The following CACNA2D1 variants were observed in gnomAD, a reference collection of about 807,000 sequenced individuals.
CACNA2D1 encodes the protein voltage-dependent calcium channel subunit alpha-2/delta-1.
A neutral mutation model predicts 171.5 loss-of-function variants in CACNA2D1; 53 were observed. The ratio of observed to expected loss-of-function variants is 0.31; its 90% CI spans 0.25 to 0.39. The LOEUF (loss-of-function observed/expected upper bound fraction) is 0.39. Among genes scored for constraint, CACNA2D1 ranks in the 10% least tolerant of loss-of-function variants. CACNA2D1 has a pLI of 1.00. For missense variants in CACNA2D1, 903 were observed against 1,299.8 expected (o/e 0.69, Z 4.69); for synonymous variants, 442 against 443.1 (o/e 1.00, Z 0.03).
At chr7:82,160,863 T>C (rs1794879303) in intron 4 of CACNA2D1, among the ~76,000 whole-genome samples, 1 of 152,126 alleles carries the variant, frequency 6.6e-6, no homozygotes, top group South Asian at 2.1e-4. Context: ...CTTATTTGCC[T>C]ATGTGTATGC....
At chr7:82,024,499 G>A (rs539934783) in intron 12 of CACNA2D1, among the ~76,000 whole-genome samples, 1 of 151,768 alleles carries the variant, frequency 6.6e-6, no homozygotes, top group Non-Finnish European at 1.5e-5. Flanking sequence ...TATTAGAGAT[G>A]TTTTGCTCTT....
At chr7:82,426,433 T>C (rs1289717475) in intron 1 of CACNA2D1, among the ~76,000 whole-genome samples, 1 of 152,148 alleles carries the variant, frequency 6.6e-6, no homozygotes, top group Non-Finnish European at 1.5e-5. Flanking sequence ...TGAGCTCAGA[T>C]ACAAATTCTT....
intron 16 of CACNA2D1, among the ~76,000 whole-genome samples, chr7:82,007,133 A>T (rs543922856): frequency 6.6e-6 from 1 of 152,272 alleles, no homozygotes. Flanking sequence ...ACAAAAAACC[A>T]GTGCTATAAA....
chr7:82,144,745 G>C lies in CACNA2D1; in HGVS notation c.355-8069C>G, dbSNP rs182844862. On this transcript the variant is annotated intron_variant, in intron 4 of 38. Coordinates refer to ENST00000356860, the MANE Select transcript of CACNA2D1 (RefSeq NM_000722.4). ...CAGTAATCATTACCATTTTTAAAAT[G>C]ATGGATCAATTTTTTTACATCAACT... 1.5e-3 allele frequency among the ~76,000 whole-genome samples: 233 copies of C among 152,074 alleles called. 1 individual carries two copies. Among genetic ancestry groups the C allele is most frequent in the African/African-American group, 5.3e-3 (221 of 41,536 alleles).
chr7:81,954,500 C>A (rs996254239), intron 38 of CACNA2D1, among the ~76,000 whole-genome samples: 3 of 151,934 alleles, frequency 2.0e-5, no homozygotes. Context: ...ATACAGCATG[C>A]GTTACCAGTG....
At chr7:81,984,493 G>A (rs1051195775) in intron 22 of CACNA2D1, 142 bp downstream of exon 22, 8 of 680,924 alleles carry the variant, frequency 1.2e-5, no homozygotes, top group Non-Finnish European at 2.2e-5. Flanking sequence ...TTTGGAATGG[G>A]TTAGAATCAT....
chr7:82,275,571 A>G (rs1300715144), intron 3 of CACNA2D1, among the ~76,000 whole-genome samples: 1 of 152,068 alleles, frequency 6.6e-6, no homozygotes, highest in Non-Finnish European at 1.5e-5. Context: ...GTATGCTTTT[A>G]GTATACTCTC....
At chr7:82,082,191 C>CA (rs1386159633) in intron 7 of CACNA2D1, among the ~76,000 whole-genome samples, 3 of 152,184 alleles carry the variant, frequency 2.0e-5, no homozygotes, top group African/African-American at 7.2e-5. Context: ...ATGTATGGGG[C>CA]AGCTGTCCTC....
intron 1 of CACNA2D1, among the ~76,000 whole-genome samples, chr7:82,421,161 T>G (rs1458191317): frequency 7.2e-5 from 11 of 152,196 alleles, no homozygotes; most frequent in Admixed American, 7.2e-4. Flanking sequence ...CAGAATCTAA[T>G]GTTCTAAGGA....
At chr7:82,073,131 T>TC (rs1465187645) in intron 7 of CACNA2D1, among the ~76,000 whole-genome samples, 1 of 152,224 alleles carries the variant, frequency 6.6e-6, no homozygotes, top group African/African-American at 2.4e-5. Flanking sequence ...CATGATATTA[T>TC]CCTCAGAAAC....
At chr7:81,978,751 GTGTATA>G (rs1796116197) in intron 24 of CACNA2D1, among the ~76,000 whole-genome samples, 1 of 42,514 alleles carries the variant, frequency 2.4e-5, no homozygotes, top group Admixed American at 2.2e-4. Context: ...TTTTTAAAAA[GTGTATA>G]TATATATATA....
At chr7:82,341,620 T>A (rs966113972) in intron 2 of CACNA2D1, among the ~76,000 whole-genome samples, 3 of 152,218 alleles carry the variant, frequency 2.0e-5, no homozygotes, top group Admixed American at 6.5e-5. Flanking sequence ...TATTGTCGAT[T>A]GTGTTTAGGG....
intron 6 of CACNA2D1, among the ~76,000 whole-genome samples, chr7:82,092,640 A>ACCT (rs2129020720): frequency 7.0e-6 from 1 of 142,056 alleles, no homozygotes; most frequent in East Asian, 2.1e-4. Context: ...TGATCCACCC[A>ACCT]CCTCGGCCTC....
At chr7:82,083,194 A>C (rs936248830) in intron 7 of CACNA2D1, among the ~76,000 whole-genome samples, 7 of 152,004 alleles carry the variant, frequency 4.6e-5, no homozygotes, top group African/African-American at 1.7e-4. Context: ...TATTGTTATG[A>C]TAAAGGATAT....
chr7:82,128,718 C>T (rs1790624553), intron 5 of CACNA2D1, among the ~76,000 whole-genome samples: 1 of 152,094 alleles, frequency 6.6e-6, no homozygotes, highest in Non-Finnish European at 1.5e-5. Context: ...CAAATTTTGT[C>T]CTGATGCCAA....
At chr7:81,974,136 A>AT (rs1346443435) in intron 25 of CACNA2D1, among the ~76,000 whole-genome samples, 1 of 152,024 alleles carries the variant, frequency 6.6e-6, no homozygotes, top group East Asian at 1.9e-4. Context: ...GCAAAATGCT[A>AT]TAAAAAAACC....
chr7:82,087,744 A>T (rs1810648005), intron 6 of CACNA2D1, among the ~76,000 whole-genome samples: 1 of 152,042 alleles, frequency 6.6e-6, no homozygotes, highest in Admixed American at 6.6e-5. Flanking sequence ...TTTCTTCTTA[A>T]CCTTATAAAA....
At chr7:82,146,103 G>A (rs1793005081) in intron 4 of CACNA2D1, among the ~76,000 whole-genome samples, 1 of 151,762 alleles carries the variant, frequency 6.6e-6, no homozygotes, top group Non-Finnish European at 1.5e-5. Context: ...ACAAGCCAAA[G>A]CCATCTAAGA....
At chr7:82,430,064 T>C (rs751872930) in intron 1 of CACNA2D1, among the ~76,000 whole-genome samples, 1 of 152,082 alleles carries the variant, frequency 6.6e-6, no homozygotes, top group Non-Finnish European at 1.5e-5. Context: ...AGTGACAAAC[T>C]TCATAAAAAT....
Sources: allele counts gnomAD v4.1 joint callset (sites outside exome capture counted in the v4.1 genomes callset), GRCh38; gene constraint gnomAD v4.1.1; transcripts MANE v1.5; gene names NCBI Gene and HGNC (gene_info 2026-07-23, HGNC 2026-07-21).